Variants in ADAD1 observed in about 807,000 individuals in gnomAD.
ADAD1 encodes adenosine deaminase domain-containing protein 1.
A neutral mutation model predicts 66.8 loss-of-function variants in ADAD1; 46 were observed. The ratio of observed to expected loss-of-function variants is 0.69; its 90% confidence interval spans 0.54 to 0.88. ADAD1 has a LOEUF of 0.88. Ranked by LOEUF, ADAD1 falls within the 40% of genes least tolerant of loss-of-function variation. The pLI, the probability that ADAD1 is intolerant of heterozygous loss-of-function variation, is 0.00. For synonymous variants in ADAD1, 248 were observed against 229.4 expected, an observed-to-expected ratio of 1.08 and a Z score of -0.73; for missense variants, 617 against 681.8, an observed-to-expected ratio of 0.91 and a Z score of 1.06.
intron 10 of ADAD1, among the ~76,000 whole-genome samples, chr4:122,414,281 G>T (rs151158214): frequency 8.1e-6 from 1 of 123,900 alleles, no homozygotes; most frequent in Non-Finnish European, 1.7e-5. Flanking sequence ...TTTTTGGGGG[G>T]GGGGGTACAA....
chr4:122,390,827 T>G (rs1795399441), intron 5 of ADAD1, among the ~76,000 whole-genome samples: 1 of 152,228 alleles, frequency 6.6e-6, no homozygotes, highest in South Asian at 2.1e-4. Flanking sequence ...CAGCGAAGTT[T>G]TTTGTTACCC....
intron 5 of ADAD1, among the ~76,000 whole-genome samples, chr4:122,388,363 A>G (rs545330251): frequency 6.6e-6 from 1 of 152,192 alleles, no homozygotes; most frequent in Non-Finnish European, 1.5e-5. Flanking sequence ...TTTTAGTATC[A>G]GGATGATGCT....
In ADAD1 at chr4:122,414,534, G is replaced by A. The variant is rs183544131; in HGVS notation, c.1250-845G>A. 3.0e-3 allele frequency among the ~76,000 whole-genome samples: 457 copies of A among 152,068 alleles called. 4 individuals are homozygous for A. Among genetic ancestry groups the A allele is most frequent in the Middle Eastern group, 0.01 (3 of 294 alleles). On this transcript the variant is annotated intron_variant, in intron 10 of 12. Transcript: ENST00000296513. ...GTTTAGAAAAAGGATACCAAAAGCA[G>A]TACATGTCCTTTTTACATCATTTTC... is the stretch of plus-strand genomic sequence containing the variant.
At chr4:122,426,266 G>C (rs1359474656) in intron 12 of ADAD1, among the ~76,000 whole-genome samples, 1 of 152,040 alleles carries the variant, frequency 6.6e-6, no homozygotes, top group Non-Finnish European at 1.5e-5. Context: ...CATGTTCCTA[G>C]AAAGACACAA....
intron 5 of ADAD1, 75 bp downstream of exon 5, chr4:122,384,041 A>C: frequency 1.5e-6 from 2 of 1,317,694 alleles, no homozygotes; most frequent in South Asian, 3.2e-5. Flanking sequence ...GATTTATGTT[A>C]ATGAGAGTTA....
At chr4:122,415,732 T>C (rs990266827) in intron 11 of ADAD1, 116 bp downstream of exon 11, 1 of 923,812 alleles carries the variant, frequency 1.1e-6, no homozygotes, top group Non-Finnish European at 1.6e-6. Flanking sequence ...ACAATAATTA[T>C]TATCATTAGT....
chr4:122,428,744 G>A (rs901987796), intron 12 of ADAD1, among the ~76,000 whole-genome samples: 9 of 152,130 alleles, frequency 5.9e-5, no homozygotes, highest in African/African-American at 2.2e-4. Flanking sequence ...TGGGTTTAGG[G>A]CTGGTACTGG....
chr4:122,415,207 T>C (rs1796673701), intron 10 of ADAD1, among the ~76,000 whole-genome samples, 172 bp from the exon 11 acceptor site: 1 of 152,186 alleles, frequency 6.6e-6, no homozygotes, highest in East Asian at 1.9e-4. Context: ...TACCTTGTTC[T>C]GGTTCTGATT....
intron 7 of ADAD1, among the ~76,000 whole-genome samples, chr4:122,399,254 T>G (rs1000541577): frequency 6.6e-6 from 1 of 152,140 alleles, no homozygotes; most frequent in Non-Finnish European, 1.5e-5. Flanking sequence ...TGTATTTGTT[T>G]GCTGTGTCAA....
At chr4:122,380,301 A>G in intron 3 of ADAD1, 60 bp downstream of exon 3, 1 of 1,540,828 alleles carries the variant, frequency 6.5e-7, no homozygotes, top group South Asian at 1.3e-5. Context: ...GATGGCCAGT[A>G]AGTTCTGTCG....
At chr4:122,414,861 G>A (rs1255490226) in intron 10 of ADAD1, among the ~76,000 whole-genome samples, 2 of 152,024 alleles carry the variant, frequency 1.3e-5, no homozygotes, top group Admixed American at 6.6e-5. Flanking sequence ...AAAGCTTTTG[G>A]TATTGGCACA....
chr4:122,419,479 G>T (rs1796909681), intron 11 of ADAD1, among the ~76,000 whole-genome samples: 1 of 152,066 alleles, frequency 6.6e-6, no homozygotes. Context: ...AAACCCCCAT[G>T]ACACACATTT....
At chr4:122,417,871 T>G (rs934130996) in intron 11 of ADAD1, among the ~76,000 whole-genome samples, 2 of 152,172 alleles carry the variant, frequency 1.3e-5, no homozygotes, top group Non-Finnish European at 2.9e-5. Context: ...CTGATTTTAC[T>G]GGAAAAATTC....
chr4:122,415,884 C>T (rs1195281347), intron 11 of ADAD1, among the ~76,000 whole-genome samples: 1 of 151,950 alleles, frequency 6.6e-6, no homozygotes, highest in Non-Finnish European at 1.5e-5. Context: ...CCTTTCAAAC[C>T]CAAGGAATCT....
chr4:122,381,698 C>A (rs930760891), intron 4 of ADAD1, among the ~76,000 whole-genome samples: 2 of 152,098 alleles, frequency 1.3e-5, no homozygotes, highest in Non-Finnish European at 2.9e-5. Flanking sequence ...AAAGGCTACA[C>A]GAGTACAGAT....
intron 8 of ADAD1, among the ~76,000 whole-genome samples, chr4:122,410,726 CT>C (rs1248239411): frequency 2.0e-5 from 3 of 152,128 alleles, no homozygotes; most frequent in Non-Finnish European, 4.4e-5. Flanking sequence ...CTTAATACAG[CT>C]TCTGGTGTTC....
At chr4:122,419,749 A>G (rs1796919907) in intron 11 of ADAD1, among the ~76,000 whole-genome samples, 1 of 152,208 alleles carries the variant, frequency 6.6e-6, no homozygotes, top group Admixed American at 6.5e-5. Context: ...AACTCTTACT[A>G]ATGTGTCATA....
chr4:122,419,882 T>A (rs1796925818), intron 11 of ADAD1, among the ~76,000 whole-genome samples: 1 of 152,212 alleles, frequency 6.6e-6, no homozygotes, highest in Admixed American at 6.5e-5. Flanking sequence ...GCTAGGTAGT[T>A]TTTTTACAGG....
chr4:122,416,280 C>T (rs1454343239), intron 11 of ADAD1, among the ~76,000 whole-genome samples: 3 of 152,174 alleles, frequency 2.0e-5, no homozygotes, highest in Admixed American at 2.0e-4. Context: ...CTAGACATTT[C>T]TTCGTAATGT....
Sources: allele counts gnomAD v4.1 joint callset (sites outside exome capture counted in the v4.1 genomes callset), GRCh38; gene constraint gnomAD v4.1.1; transcripts MANE v1.5; gene names NCBI Gene and HGNC (gene_info 2026-07-23, HGNC 2026-07-21).